Variants in MACROD2 observed in about 807,000 individuals in gnomAD.
The protein encoded by MACROD2 is ADP-ribose glycohydrolase MACROD2.
Under a neutral mutation model 70.4 loss-of-function variants are expected in MACROD2, and 36 were observed. The observed-to-expected ratio is 0.51, with a 90% confidence interval of 0.39 to 0.68. The LOEUF (loss-of-function observed/expected upper bound fraction) is 0.68. Ranked by LOEUF, MACROD2 falls within the 30% of genes least tolerant of loss-of-function variation. MACROD2 has a pLI of 0.00. For synonymous variants in MACROD2, 172 were observed against 178.8 expected (o/e 0.96, Z 0.30); for missense variants, 496 against 538.4 (o/e 0.92, Z 0.78).
intron 8 of MACROD2, among the ~76,000 whole-genome samples, chr20:15,651,414 A>G (rs1278571224): frequency 6.6e-6 from 1 of 152,188 alleles, no homozygotes; most frequent in African/African-American, 2.4e-5. Context: ...ATGCTAGCCA[A>G]CATATGCTCT....
At chr20:14,968,525 G>GA (rs920545229) in intron 5 of MACROD2, among the ~76,000 whole-genome samples, 6 of 151,874 alleles carry the variant, frequency 4.0e-5, no homozygotes, top group African/African-American at 4.8e-5. Context: ...TAAAAAAAAA[G>GA]AAAAAAAATA....
At chr20:14,679,531 C>T (rs1037898720) in intron 4 of MACROD2, among the ~76,000 whole-genome samples, 1 of 152,256 alleles carries the variant, frequency 6.6e-6, no homozygotes, top group South Asian at 2.1e-4. Context: ...TGAAGAACAA[C>T]AAACATGACT....
intron 4 of MACROD2, among the ~76,000 whole-genome samples, chr20:14,617,619 T>C (rs1039012376): frequency 1.3e-5 from 2 of 152,192 alleles, no homozygotes; most frequent in Non-Finnish European, 2.9e-5. Flanking sequence ...TATTCATCAT[T>C]AGAGTATTAG....
chr20:14,601,800 G>T (rs1982516315), intron 4 of MACROD2, among the ~76,000 whole-genome samples: 1 of 151,912 alleles, frequency 6.6e-6, no homozygotes. Flanking sequence ...GCATTTTGTT[G>T]ATTCATTAGC....
intron 2 of MACROD2, among the ~76,000 whole-genome samples, chr20:14,055,704 C>G (rs934711067): frequency 6.6e-6 from 1 of 151,170 alleles, no homozygotes; most frequent in Non-Finnish European, 1.5e-5. Context: ...CTCTTCCACC[C>G]TCTTCTCCCC....
intron 2 of MACROD2, among the ~76,000 whole-genome samples, chr20:14,061,593 G>A (rs572920310): frequency 5.9e-5 from 9 of 152,162 alleles, no homozygotes; most frequent in African/African-American, 1.9e-4. Flanking sequence ...GGACAGATGT[G>A]TATTTCCACT....
chr20:14,227,955 A>T (rs866922620), intron 3 of MACROD2, among the ~76,000 whole-genome samples: 30 of 152,268 alleles, frequency 2.0e-4, no homozygotes, highest in Middle Eastern at 6.8e-3. Context: ...TAAAAAATTA[A>T]TAGACTTTAT....
intron 8 of MACROD2, among the ~76,000 whole-genome samples, chr20:15,782,648 C>T (rs1341626469): frequency 1.4e-5 from 2 of 138,788 alleles, no homozygotes. Context: ...TTGGTCAAAT[C>T]AGTTACAAGG....
chr20:15,118,797 A>G (rs2076010278), intron 5 of MACROD2, among the ~76,000 whole-genome samples: 1 of 152,216 alleles, frequency 6.6e-6, no homozygotes, highest in Non-Finnish European at 1.5e-5. Flanking sequence ...TTTAAAAATT[A>G]ACTTCCTCCT....
intron 4 of MACROD2, among the ~76,000 whole-genome samples, chr20:14,538,704 A>T (rs978203795): frequency 6.6e-6 from 1 of 152,110 alleles, no homozygotes; most frequent in African/African-American, 2.4e-5. Flanking sequence ...GTACATTGTC[A>T]TCTCACTGTC....
intron 8 of MACROD2, among the ~76,000 whole-genome samples, chr20:15,507,270 C>T (rs939425829): frequency 4.6e-5 from 7 of 151,508 alleles, no homozygotes; most frequent in Non-Finnish European, 8.8e-5. Flanking sequence ...ACTCTCCTTT[C>T]TTCCCTCCTT....
intron 5 of MACROD2, among the ~76,000 whole-genome samples, chr20:14,824,751 G>A (rs576427099): frequency 3.2e-4 from 48 of 152,152 alleles, no homozygotes; most frequent in South Asian, 8.3e-4. Context: ...ATGGCAATTG[G>A]GAGGGGCTAC....
chr20:14,253,315 A>G (rs2082026789), intron 3 of MACROD2, among the ~76,000 whole-genome samples: 1 of 152,016 alleles, frequency 6.6e-6, no homozygotes, highest in Non-Finnish European at 1.5e-5. Context: ...AAATGTTTTA[A>G]CATAACTTAT....
At chr20:14,426,688 G>A (rs1307137216) in intron 3 of MACROD2, among the ~76,000 whole-genome samples, 1 of 152,024 alleles carries the variant, frequency 6.6e-6, no homozygotes, top group African/African-American at 2.4e-5. Flanking sequence ...TTCTACTTAG[G>A]CAGATCAGAT....
intron 8 of MACROD2, among the ~76,000 whole-genome samples, chr20:15,667,741 C>G (rs2049921296): frequency 6.6e-6 from 1 of 152,156 alleles, no homozygotes; most frequent in Non-Finnish European, 1.5e-5. Context: ...GTTGTTGAAA[C>G]CAATCATAGA....
At chr20:15,947,948 A>C (rs1179893325) in intron 12 of MACROD2, among the ~76,000 whole-genome samples, 5 of 151,660 alleles carry the variant, frequency 3.3e-5, no homozygotes, top group African/African-American at 1.2e-4. Context: ...GATGACATCG[A>C]AGGCACCCCT....
At chr20:15,845,484 ATCAAGGAAATGAG>A (rs563083302) in intron 8 of MACROD2, among the ~76,000 whole-genome samples, 231 of 152,214 alleles carry the variant, frequency 1.5e-3, no homozygotes, top group African/African-American at 5.4e-3. Flanking sequence ...GTTCACCTTG[ATCAAGGAAATGAG>A]TCGTGGAAAG....
intron 8 of MACROD2, among the ~76,000 whole-genome samples, chr20:15,708,556 G>C (rs1273153147): frequency 6.6e-6 from 1 of 152,182 alleles, no homozygotes; most frequent in Non-Finnish European, 1.5e-5. Context: ...TCTCACCAGA[G>C]AGGGAGCCAG....
At chr20:15,884,547 T>G (rs529294438) in intron 9 of MACROD2, among the ~76,000 whole-genome samples, 9 of 152,152 alleles carry the variant, frequency 5.9e-5, no homozygotes, top group Middle Eastern at 3.4e-3. Context: ...CAGAGCTGTA[T>G]TTTAAGACTG....
Sources: allele counts gnomAD v4.1 joint callset (sites outside exome capture counted in the v4.1 genomes callset), GRCh38; gene constraint gnomAD v4.1.1; transcripts MANE v1.5; gene names NCBI Gene and HGNC (gene_info 2026-07-23, HGNC 2026-07-21).